The following PTPRK variants were observed in gnomAD, a reference collection of about 807,000 sequenced individuals.
PTPRK encodes the protein receptor-type tyrosine-protein phosphatase kappa.
In PTPRK, 75 loss-of-function variants were observed where a neutral mutation model predicts 178.0. The ratio of observed to expected loss-of-function variants is 0.42; its 90% CI spans 0.35 to 0.51. The LOEUF (loss-of-function observed/expected upper bound fraction) is 0.51, where lower values mean the gene tolerates loss of function less well. Among genes scored for constraint, PTPRK ranks in the 20% least tolerant of loss-of-function variants. PTPRK has a pLI of 0.02. For synonymous variants in PTPRK, 637 were observed against 620.6 expected, an observed-to-expected ratio of 1.03 and a Z score of -0.39; for missense variants, 1,441 against 1,797.8, an observed-to-expected ratio of 0.80 and a Z score of 3.59.
chr6:128,200,889 G>A (rs1168039906), intron 6 of PTPRK, among the ~76,000 whole-genome samples: 1 of 101,878 alleles, frequency 9.8e-6, no homozygotes, highest in Non-Finnish European at 1.9e-5. Context: ...AGAAGGGAGG[G>A]AAGGAGGGAG....
chr6:128,007,017 G>A (rs879375245), intron 14 of PTPRK, among the ~76,000 whole-genome samples: 7 of 150,582 alleles, frequency 4.6e-5, no homozygotes, highest in South Asian at 2.1e-4. Context: ...GTAGATAAGA[G>A]GCTAAAGTAA....
At chr6:128,251,455 A>G (rs1164233935) in intron 3 of PTPRK, among the ~76,000 whole-genome samples, 1 of 152,168 alleles carries the variant, frequency 6.6e-6, no homozygotes, top group Non-Finnish European at 1.5e-5. Context: ...ATTTTCCTTA[A>G]GATGTCCTGA....
chr6:128,098,958 T>C (rs1788346670), intron 7 of PTPRK, among the ~76,000 whole-genome samples: 1 of 151,972 alleles, frequency 6.6e-6, no homozygotes, highest in Non-Finnish European at 1.5e-5. Flanking sequence ...CAGAGAATAA[T>C]AAACTAAATA....
chr6:128,088,486 T>C (rs1396890277), intron 8 of PTPRK, among the ~76,000 whole-genome samples: 4 of 152,136 alleles, frequency 2.6e-5, no homozygotes, highest in East Asian at 1.9e-4. Flanking sequence ...AAGCCCTTCA[T>C]TGAAAGATAA....
intron 13 of PTPRK, among the ~76,000 whole-genome samples, chr6:128,029,143 C>T (rs1343676983): frequency 6.6e-6 from 1 of 152,032 alleles, no homozygotes; most frequent in Non-Finnish European, 1.5e-5. Context: ...TGCCTTGGTG[C>T]CATCCTCACA....
chr6:128,145,240 T>G (rs1388124386), intron 7 of PTPRK, among the ~76,000 whole-genome samples: 2 of 152,020 alleles, frequency 1.3e-5, no homozygotes, highest in African/African-American at 4.8e-5. Context: ...GTAGTTCTTG[T>G]GTTCCTATCA....
At chr6:128,084,297 G>A (rs962893682) in intron 8 of PTPRK, among the ~76,000 whole-genome samples, 8 of 152,124 alleles carry the variant, frequency 5.3e-5, no homozygotes, top group African/African-American at 7.2e-5. Flanking sequence ...CTGGAAAGCC[G>A]AATCACATAG....
intron 13 of PTPRK, among the ~76,000 whole-genome samples, chr6:128,064,339 T>C (rs1323150667): frequency 6.6e-6 from 1 of 152,182 alleles, no homozygotes; most frequent in Admixed American, 6.5e-5. Context: ...TATGGACTAA[T>C]CTCTATCCCT....
At chr6:128,174,634 T>G (rs1161797345) in intron 7 of PTPRK, among the ~76,000 whole-genome samples, 1 of 151,930 alleles carries the variant, frequency 6.6e-6, no homozygotes, top group South Asian at 2.1e-4. Context: ...CTTTAGTACA[T>G]GCCCAAATAG....
chr6:128,073,936 G>C (rs183155840), intron 11 of PTPRK, among the ~76,000 whole-genome samples: 41 of 152,108 alleles, frequency 2.7e-4, no homozygotes, highest in Non-Finnish European at 5.0e-4. Flanking sequence ...AGGAAAATTA[G>C]AACTATTTGA....
At chr6:128,413,451 A>G (rs1305621416) in intron 1 of PTPRK, among the ~76,000 whole-genome samples, 1 of 152,006 alleles carries the variant, frequency 6.6e-6, no homozygotes, top group Non-Finnish European at 1.5e-5. Context: ...ACAATTCTCC[A>G]CCCAGTATAG....
chr6:128,033,854 C>A (rs930917456), intron 13 of PTPRK, among the ~76,000 whole-genome samples: 5 of 151,672 alleles, frequency 3.3e-5, no homozygotes, highest in African/African-American at 7.3e-5. Context: ...CAGAATGAGA[C>A]CTTGTCTCAA....
intron 5 of PTPRK, among the ~76,000 whole-genome samples, chr6:128,229,504 G>T (rs566996758): frequency 6.6e-6 from 1 of 152,228 alleles, no homozygotes; most frequent in South Asian, 2.1e-4. Context: ...CTCAGAACCT[G>T]CATCGTTATC....
At chr6:128,018,197 C>T (rs1456785445) in intron 13 of PTPRK, among the ~76,000 whole-genome samples, 1 of 151,796 alleles carries the variant, frequency 6.6e-6, no homozygotes, top group Non-Finnish European at 1.5e-5. Context: ...ACATAGTTAC[C>T]AATACATTAT....
At chr6:128,395,569 C>T (rs1447826136) in intron 2 of PTPRK, among the ~76,000 whole-genome samples, 2 of 152,026 alleles carry the variant, frequency 1.3e-5, no homozygotes, top group African/African-American at 4.8e-5. Flanking sequence ...CATCCCAGCC[C>T]ACCCACATCC....
chr6:128,513,611 A>G (rs757484454), intron 1 of PTPRK, among the ~76,000 whole-genome samples: 39 of 152,230 alleles, frequency 2.6e-4, no homozygotes, highest in Non-Finnish European at 4.4e-4. Flanking sequence ...TTGAAATTCT[A>G]TGGTAAAGTT....
intron 1 of PTPRK, among the ~76,000 whole-genome samples, chr6:128,467,350 G>C (rs925779121): frequency 1.3e-5 from 2 of 152,104 alleles, no homozygotes; most frequent in East Asian, 3.8e-4. Context: ...GAGAGGGTAA[G>C]ATAAATATCA....
At chr6:128,435,985 A>C (rs535078818) in intron 1 of PTPRK, among the ~76,000 whole-genome samples, 1 of 46,780 alleles carries the variant, frequency 2.1e-5, no homozygotes, top group South Asian at 8.4e-4. Flanking sequence ...CAAAATGAGA[A>C]AGAGGAAAAA....
chr6:128,058,430 GATC>G (rs1274432379), intron 13 of PTPRK, among the ~76,000 whole-genome samples: 1 of 152,064 alleles, frequency 6.6e-6, no homozygotes, highest in African/African-American at 2.4e-5. Flanking sequence ...TAGGTTAATT[GATC>G]ATTTTGTATT....
Sources: allele counts gnomAD v4.1 joint callset (sites outside exome capture counted in the v4.1 genomes callset), GRCh38; gene constraint gnomAD v4.1.1; transcripts MANE v1.5; gene names NCBI Gene and HGNC (gene_info 2026-07-23, HGNC 2026-07-21).